The following EVC2 variants were observed in gnomAD, a reference collection of about 807,000 sequenced individuals.
EVC2 encodes the protein limbin.
In EVC2, 148 loss-of-function variants were observed where a neutral mutation model predicts 149.3. The observed-to-expected ratio is 0.99, with a 90% CI of 0.87 to 1.14. The LOEUF (loss-of-function observed/expected upper bound fraction) is 1.14, where lower values mean the gene tolerates loss of function less well. EVC2 is among the 50% of genes most tolerant of loss of function. The pLI is 0.00. For missense variants in EVC2, 1,854 were observed against 1,627.3 expected, an observed-to-expected ratio of 1.14 and a Z score of -2.40; for synonymous variants, 776 against 649.9, an observed-to-expected ratio of 1.19 and a Z score of -2.95.
the EVC2 span, among the ~76,000 whole-genome samples, chr4:5,533,483 G>A: frequency 4.6e-5 from 7 of 152,198 alleles, no homozygotes; most frequent in East Asian, 1.9e-4. Flanking sequence ...AGAAAGGAAC[G>A]TGGCTTTTTC....
intron 1 of EVC2, among the ~76,000 whole-genome samples, chr4:5,705,902 T>C (rs1054284644): frequency 6.6e-6 from 1 of 151,944 alleles, no homozygotes; most frequent in African/African-American, 2.4e-5. Context: ...GGGCATCAAA[T>C]GATGAAATTA....
At chr4:5,624,923 A>G (rs950805110) in intron 13 of EVC2, among the ~76,000 whole-genome samples, 13 of 152,118 alleles carry the variant, frequency 8.5e-5, no homozygotes, top group Non-Finnish European at 1.9e-4. Context: ...TGTCCCATAC[A>G]TTCCCTGAAT....
chr4:5,669,233 C>T (rs1003672209), intron 7 of EVC2, among the ~76,000 whole-genome samples: 3 of 152,192 alleles, frequency 2.0e-5, no homozygotes, highest in African/African-American at 7.2e-5. Flanking sequence ...TATTAAGGTA[C>T]CAAGCTTGTG....
Position 5,562,948 on chromosome 4 carries a change from C to A in EVC2, c.3827G>T (p.Arg1276Ile), listed in dbSNP as rs751725959. Residue 1276 changes from arginine (R) to isoleucine (I), a missense_variant, in exon 22 of 22, where the codon AGA (arginine) becomes ATA (isoleucine). Arg to Ile is a moderately conservative substitution (Grantham distance 97). Transcript: ENST00000344408. This position sits in a 1 kb window ranked among gnomAD's most constrained non-coding sequence, Gnocchi z 4.3. ...TGAGATCTCTGGCTCCTTTGGATTT[C>A]TGAATATAAAGAGCTTCTCTCCTGT... The part of the protein sequence containing the change: ...LNTGEKLFIF[R>I]NPKEPEISLH... 5.0e-6 allele frequency: 8 copies of A among 1,614,098 alleles called. 1 individual carries two copies. The South Asian group carries it at 6.6e-5, about 13-fold the overall frequency.
intron 16 of EVC2, among the ~76,000 whole-genome samples, chr4:5,586,166 T>C (rs1326740097): frequency 6.6e-6 from 1 of 152,184 alleles, no homozygotes; most frequent in Admixed American, 6.5e-5. Flanking sequence ...CCGACCTGTC[T>C]AGCTGTTTTG....
chr4:5,708,643 C>G (rs969647342), upstream of EVC2: 40 of 624,282 alleles, frequency 6.4e-5, no homozygotes, highest in African/African-American at 6.2e-4. Flanking sequence ...GGAACAAACA[C>G]CCGCATCTGG....
At chr4:5,650,604 CATATATATATATATATATAT>C (rs66673359) in intron 9 of EVC2, among the ~76,000 whole-genome samples, 3 of 53,002 alleles carry the variant, frequency 5.7e-5, no homozygotes, top group African/African-American at 1.9e-4. Context: ...TTTTAATCGC[CATATATATATATATATATAT>C]ATATATATAT....
chr4:5,566,130 G>A (rs555299297), intron 20 of EVC2, among the ~76,000 whole-genome samples: 14 of 152,378 alleles, frequency 9.2e-5, no homozygotes, highest in East Asian at 5.8e-4. Flanking sequence ...AAGTACAGGC[G>A]AAGCCTGGAA....
Position 5,614,250 on chromosome 4 carries a change from C to T in EVC2, c.2829+1172G>A, listed in dbSNP as rs373813176. 3.3e-4 allele frequency among the ~76,000 whole-genome samples: 50 copies of T among 152,294 alleles called. No individual in the cohort carries two copies. The East Asian group carries it at 7.4e-3, about 22-fold the overall frequency. ...TAAGGTCACATTATCTAATTTCTTT[C>T]CTTAATAGCACTGATGACAGTCTAT... On this transcript the variant is annotated intron_variant, in intron 16 of 21. Coordinates refer to ENST00000344408, the MANE Select transcript of EVC2 (RefSeq NM_147127.5). The surrounding 1 kb of genome is among the most constrained non-coding windows in gnomAD (Gnocchi z 4.7).
chr4:5,642,238 T>C (rs1216131834), intron 9 of EVC2, among the ~76,000 whole-genome samples: 5 of 152,210 alleles, frequency 3.3e-5, no homozygotes, highest in Non-Finnish European at 4.4e-5. Flanking sequence ...GTGCTGCACG[T>C]CTTTATAGTA....
chr4:5,629,015 C>T (rs549955028), intron 11 of EVC2, among the ~76,000 whole-genome samples: 6 of 152,260 alleles, frequency 3.9e-5, no homozygotes, highest in African/African-American at 1.2e-4. Flanking sequence ...ACTAATTCAG[C>T]CATTTATCCT....
intron 21 of EVC2, among the ~76,000 whole-genome samples, chr4:5,545,209 A>C (rs1721591786): frequency 6.6e-6 from 1 of 152,214 alleles, no homozygotes. Flanking sequence ...TCATTCATCC[A>C]TTGAACAAAC....
At position 5,640,705 on chromosome 4, in the gene EVC2, TTCTC is replaced by T. The variant is rs1285230220; in HGVS notation, c.1275_1278del (p.Arg426LysfsTer2). 1 of 1,614,070 alleles carries T rather than the reference TTCTC, an allele frequency of 6.2e-7. No homozygotes were observed. Among genetic ancestry groups the T allele is most frequent in the African/African-American group, 1.3e-5 (1 of 74,926 alleles). ...TGCTTTTTGAAAACAGCACTCATTT[TTCTC>T]TCTACTTGGGGTGAGAGGTGGCCAC... On this transcript the variant is annotated frameshift_variant, in exon 10 of 22. Transcript: ENST00000344408. LOFTEE classifies it high-confidence loss of function. The surrounding 1 kb of genome is among the most constrained non-coding windows in gnomAD (Gnocchi z 4.6).
chr4:5,612,562 G>A (rs1384031320), intron 16 of EVC2, among the ~76,000 whole-genome samples: 1 of 152,168 alleles, frequency 6.6e-6, no homozygotes, highest in Admixed American at 6.5e-5. Flanking sequence ...AGAGTAGGGA[G>A]CCTGCTGCAT....
chr4:5,692,799 G>A (rs1482533762), intron 3 of EVC2, among the ~76,000 whole-genome samples: 4 of 147,252 alleles, frequency 2.7e-5, no homozygotes, highest in Admixed American at 6.9e-5. Context: ...CCCGGGAAGC[G>A]GAGCTTGCAG....
intron 8 of EVC2, among the ~76,000 whole-genome samples, chr4:5,663,874 T>C (rs895953399): frequency 1.3e-5 from 2 of 152,216 alleles, no homozygotes; most frequent in African/African-American, 2.4e-5. Context: ...TGAGCCGAGA[T>C]TGCGCCACTG....
Position 5,665,497 on chromosome 4 carries a change from C to A in EVC2, c.1005+18G>T. On this transcript the variant is annotated intron_variant, in intron 8 of 21. Transcript: ENST00000344408. ...CTCACATTCACCACCTTCCAAACCA[C>A]CCTCAGGGAAGACTCACCCGATGTC... The A allele has an allele frequency of 1.2e-6, 2 of 1,613,978 alleles. No homozygotes were observed.
At chr4:5,531,913 G>A in the EVC2 span, among the ~76,000 whole-genome samples, 4 of 152,074 alleles carry the variant, frequency 2.6e-5, no homozygotes, top group South Asian at 2.1e-4. Flanking sequence ...TGCCAAAAAG[G>A]TTGAGGACCA....
intron 16 of EVC2, among the ~76,000 whole-genome samples, chr4:5,607,826 C>T (rs139466917): frequency 1.3e-5 from 2 of 152,138 alleles, no homozygotes; most frequent in African/African-American, 4.8e-5. Context: ...AAACTTAAAA[C>T]TGCGTCACAC....
Sources: gnomAD v4.1 joint callset for allele counts (sites outside exome capture counted in the v4.1 genomes callset) on GRCh38, gnomAD v4.1.1 for gene constraint, Gnocchi (gnomAD v3.1) non-coding constraint, MANE v1.5 for transcripts, NCBI Gene and HGNC (gene_info 2026-07-23, HGNC 2026-07-21) for gene names.